DLC1: variants seen among roughly 807,000 people sequenced by gnomAD.
DLC1 encodes rho GTPase-activating protein 7.
Under a neutral mutation model 140.3 loss-of-function variants are expected in DLC1, and 54 were observed. That is an observed-to-expected ratio of 0.38 (90% CI 0.31 to 0.48). The LOEUF (loss-of-function observed/expected upper bound fraction) is 0.48, where lower values mean the gene tolerates loss of function less well. Ranked by LOEUF, DLC1 falls within the 20% of genes least tolerant of loss-of-function variation. The pLI, the probability that DLC1 is intolerant of heterozygous loss-of-function variation, is 0.96. For missense variants in DLC1, 2,536 were observed against 1,907.0 expected, an observed-to-expected ratio of 1.33 and a Z score of -6.14; for synonymous variants, 986 against 728.1, an observed-to-expected ratio of 1.35 and a Z score of -5.70.
At chr8:13,557,137 T>C (rs1285022081) in intron 1 of DLC1, among the ~76,000 whole-genome samples, 1 of 152,214 alleles carries the variant, frequency 6.6e-6, no homozygotes, top group Non-Finnish European at 1.5e-5. Flanking sequence ...TTTCAGTGGC[T>C]TAATCAATTT....
At chr8:13,572,095 A>T (rs55722444) in intron 1 of DLC1, among the ~76,000 whole-genome samples, 31,184 of 142,856 alleles carry the variant, frequency 0.22, 3,926 homozygotes, top group Non-Finnish European at 0.3. Flanking sequence ...ATTATTATTT[A>T]TTTTTTTTTT....
intron 5 of DLC1, among the ~76,000 whole-genome samples, chr8:13,196,224 T>G (rs1326883147): frequency 3.9e-5 from 6 of 152,174 alleles, no homozygotes; most frequent in African/African-American, 1.4e-4. Context: ...GACTTCAACT[T>G]TATCCACAAT....
intron 2 of DLC1, among the ~76,000 whole-genome samples, chr8:13,461,423 C>T (rs1264578812): frequency 6.6e-6 from 1 of 152,154 alleles, no homozygotes; most frequent in African/African-American, 2.4e-5. Context: ...AATGTATTTG[C>T]CTCTCCCTGC....
intron 2 of DLC1, among the ~76,000 whole-genome samples, chr8:13,426,681 C>G (rs1362723925): frequency 6.6e-6 from 1 of 152,160 alleles, no homozygotes; most frequent in African/African-American, 2.4e-5. Flanking sequence ...ATTTAGAAAT[C>G]AGTCCTTCTT....
chr8:13,306,755 G>T (rs1230701516), intron 4 of DLC1, among the ~76,000 whole-genome samples: 1 of 152,068 alleles, frequency 6.6e-6, no homozygotes, highest in Non-Finnish European at 1.5e-5. Flanking sequence ...TGTGATTGAT[G>T]CAATAATTCA....
chr8:13,584,047 A>G (rs1363913035), intron 1 of DLC1: 1 of 152,470 alleles, frequency 6.6e-6, no homozygotes, highest in African/African-American at 2.4e-5. Context: ...ACTGGTAGAA[A>G]GTGTCTGAGT....
intron 2 of DLC1, among the ~76,000 whole-genome samples, chr8:13,416,768 C>T (rs1452092613): frequency 6.6e-6 from 1 of 152,158 alleles, no homozygotes; most frequent in Non-Finnish European, 1.5e-5. Context: ...AGATTCCTGG[C>T]TTACACTTGA....
At chr8:13,373,361 G>C (rs1335709168) in intron 4 of DLC1, among the ~76,000 whole-genome samples, 1 of 152,088 alleles carries the variant, frequency 6.6e-6, no homozygotes, top group African/African-American at 2.4e-5. Flanking sequence ...GAATATTTCA[G>C]GCTTTCTGGA....
intron 5 of DLC1, among the ~76,000 whole-genome samples, chr8:13,176,429 A>G (rs1825762802): frequency 6.6e-6 from 1 of 152,070 alleles, no homozygotes; most frequent in South Asian, 2.1e-4. Context: ...AATACAAAAG[A>G]TTAGCTGGGA....
intron 1 of DLC1, among the ~76,000 whole-genome samples, chr8:13,542,486 T>A (rs892884269): frequency 2.0e-5 from 3 of 152,158 alleles, no homozygotes; most frequent in Non-Finnish European, 2.9e-5. Flanking sequence ...TTCCAAAAAT[T>A]GTTTTGGCTA....
chr8:13,593,336 A>C (rs1805581977), intron 1 of DLC1, among the ~76,000 whole-genome samples: 1 of 152,122 alleles, frequency 6.6e-6, no homozygotes, highest in Non-Finnish European at 1.5e-5. Context: ...TTGTCCAGCA[A>C]ATATTTCCAG....
chr8:13,203,272 C>T lies in DLC1; in HGVS notation c.1349-87615G>A, dbSNP rs905710428. Among the ~76,000 whole-genome samples the T allele has an allele frequency of 3.3e-5, 5 of 152,108 alleles. No individual in the cohort carries two copies. The South Asian group carries it at 1.0e-3, about 32-fold the overall frequency. On this transcript the variant is annotated intron_variant, in intron 5 of 17. Transcript: ENST00000276297. ...CTCAGCATTAAGTGTCGATAATTACCATGATTTTTTAACAAACGTTTATTT... is the reference window on the plus strand; with the variant it reads ...CTCAGCATTAAGTGTCGATAATTACTATGATTTTTTAACAAACGTTTATTT...
At chr8:13,521,419 A>G (rs991435123) in intron 1 of DLC1, among the ~76,000 whole-genome samples, 3 of 152,070 alleles carry the variant, frequency 2.0e-5, no homozygotes, top group Non-Finnish European at 4.4e-5. Context: ...AAAAAAAAAA[A>G]AAGTTCCCTT....
chr8:13,214,576 T>TTTTG, intron 5 of DLC1: 3 of 650,358 alleles, frequency 4.6e-6, no homozygotes, highest in Non-Finnish European at 8.3e-6. Flanking sequence ...TTTTTTTTTG[T>TTTTG]GGCTGCCCGA....
At chr8:13,565,076 T>C (rs1236346797) in intron 1 of DLC1, among the ~76,000 whole-genome samples, 2 of 152,208 alleles carry the variant, frequency 1.3e-5, no homozygotes, top group African/African-American at 4.8e-5. Flanking sequence ...ATTTGATAAA[T>C]ATAGTACTGT....
At chr8:13,583,713 C>A (rs939444115) in intron 1 of DLC1, among the ~76,000 whole-genome samples, 1 of 152,162 alleles carries the variant, frequency 6.6e-6, no homozygotes, top group East Asian at 1.9e-4. Flanking sequence ...AAAAAAGAAG[C>A]AACACTATTG....
intron 5 of DLC1, among the ~76,000 whole-genome samples, chr8:13,225,117 T>C (rs1320494265): frequency 6.6e-6 from 1 of 152,220 alleles, no homozygotes; most frequent in East Asian, 1.9e-4. Flanking sequence ...GTCTGTTCCC[T>C]CCTTGCCTCA....
chr8:13,433,568 C>A (rs966125212), intron 2 of DLC1, among the ~76,000 whole-genome samples: 1 of 152,200 alleles, frequency 6.6e-6, no homozygotes, highest in East Asian at 1.9e-4. Flanking sequence ...CTCTAACTTT[C>A]TTCCTCAAAG....
chr8:13,185,218 C>T (rs1429746326), intron 5 of DLC1, among the ~76,000 whole-genome samples: 3 of 142,260 alleles, frequency 2.1e-5, no homozygotes, highest in African/African-American at 7.9e-5. Flanking sequence ...CGAGATGGGT[C>T]TCCTGAATAT....
Sources: allele counts gnomAD v4.1 joint callset (sites outside exome capture counted in the v4.1 genomes callset), GRCh38; gene constraint gnomAD v4.1.1; transcripts MANE v1.5; gene names NCBI Gene and HGNC (gene_info 2026-07-23, HGNC 2026-07-21).